The following LINGO1 variants were observed in gnomAD, a reference collection of about 807,000 sequenced individuals.
The protein encoded by LINGO1 is leucine-rich repeat and immunoglobulin-like domain-containing nogo receptor-interacting protein 1.
Under a neutral mutation model 37.3 loss-of-function variants are expected in LINGO1, and 11 were observed. The ratio of observed to expected loss-of-function variants is 0.29; its 90% CI spans 0.19 to 0.49. LINGO1 has a LOEUF of 0.49. LINGO1 is among the 20% of genes least tolerant of loss of function. The pLI is 0.99. For missense variants in LINGO1, 585 were observed against 878.2 expected (o/e 0.67, Z 4.22); for synonymous variants, 387 against 403.0 (o/e 0.96, Z 0.48).
intron 1 of LINGO1, among the ~76,000 whole-genome samples, chr15:77,750,292 G>A (rs2076357974): frequency 6.6e-6 from 1 of 152,252 alleles, no homozygotes; most frequent in Non-Finnish European, 1.5e-5. Context: ...AAATGAGTAA[G>A]AAGAATAGCA....
At chr15:77,784,976 A>G (rs1300883836) in intron 1 of LINGO1, 1 of 152,268 alleles carries the variant, frequency 6.6e-6, no homozygotes, top group African/African-American at 2.4e-5. Context: ...CATCACCTCT[A>G]AAATCCACAG....
At chr15:77,748,219 G>C (rs113278974) in intron 1 of LINGO1, among the ~76,000 whole-genome samples, 1 of 152,238 alleles carries the variant, frequency 6.6e-6, no homozygotes, top group East Asian at 1.9e-4. Flanking sequence ...CTGTTCCTAA[G>C]AGGGCAGTGC....
chr15:77,697,804 G>C (rs1238432336), upstream of LINGO1, among the ~76,000 whole-genome samples: 1 of 152,140 alleles, frequency 6.6e-6, no homozygotes, highest in Non-Finnish European at 1.5e-5. Flanking sequence ...ATCTTTGAAG[G>C]GGTATTAAAG....
intron 1 of LINGO1, among the ~76,000 whole-genome samples, chr15:77,691,071 A>G (rs906489986): frequency 1.3e-5 from 2 of 152,154 alleles, no homozygotes; most frequent in Non-Finnish European, 2.9e-5. Context: ...CACAATGACA[A>G]TGTTCTGTCT....
chr15:77,710,726 AG>A (rs936034578), intron 2 of LINGO1, among the ~76,000 whole-genome samples: 11 of 152,220 alleles, frequency 7.2e-5, no homozygotes, highest in African/African-American at 2.7e-4. Context: ...CCCACCTGCG[AG>A]GGAGGACGGG....
At chr15:77,627,244 C>T (rs879313484) in intron 1 of LINGO1, among the ~76,000 whole-genome samples, 4 of 152,092 alleles carry the variant, frequency 2.6e-5, no homozygotes, top group Non-Finnish European at 4.4e-5. Context: ...ATTCCGCCAG[C>T]CCCGGTGCTC....
intron 2 of LINGO1, among the ~76,000 whole-genome samples, chr15:77,702,217 T>C (rs2075793224): frequency 6.6e-6 from 1 of 152,190 alleles, no homozygotes; most frequent in Non-Finnish European, 1.5e-5. Context: ...AACACACTGT[T>C]TCTTGGCTCA....
At chr15:77,635,908 G>A (rs1020362889), upstream of LINGO1, among the ~76,000 whole-genome samples, 2 of 152,254 alleles carry the variant, frequency 1.3e-5, no homozygotes, top group African/African-American at 4.8e-5. Context: ...GAAGGAGCCA[G>A]CCTGACTGCT....
intron 2 of LINGO1, chr15:77,707,586 C>T (rs2075868022): frequency 1.3e-5 from 2 of 152,236 alleles, no homozygotes; most frequent in African/African-American, 4.8e-5. Context: ...AACCCTGGTC[C>T]CAGGAAGGGC....
chr15:77,820,593 G>C (rs1049728769), upstream of LINGO1, among the ~76,000 whole-genome samples: 1 of 152,192 alleles, frequency 6.6e-6, no homozygotes, highest in South Asian at 2.1e-4. Context: ...CAGGGCTCAC[G>C]GGCTGGCGTC....
chr15:77,787,247 G>A (rs934749722), upstream of LINGO1: 10 of 152,292 alleles, frequency 6.6e-5, no homozygotes, highest in Non-Finnish European at 5.9e-5. Flanking sequence ...CAGAGCGCAC[G>A]GTCGGGCCTG....
At chr15:77,808,979 C>T (rs1390367511) in intron 1 of LINGO1, among the ~76,000 whole-genome samples, 3 of 152,182 alleles carry the variant, frequency 2.0e-5, no homozygotes, top group Non-Finnish European at 2.9e-5. Flanking sequence ...TTGGAAGGCA[C>T]GTGCCGGCTA....
intron 3 of LINGO1, among the ~76,000 whole-genome samples, chr15:77,639,703 G>GA (rs978648307): frequency 6.6e-6 from 1 of 151,966 alleles, no homozygotes; most frequent in Non-Finnish European, 1.5e-5. Context: ...CGATGTGGAG[G>GA]AAAAAACATA....
At chr15:77,745,400 G>T (rs2076304054) in intron 1 of LINGO1, among the ~76,000 whole-genome samples, 1 of 151,306 alleles carries the variant, frequency 6.6e-6, no homozygotes, top group African/African-American at 2.4e-5. Context: ...CACTCCAGCT[G>T]GGCGACAAAG....
intron 3 of LINGO1, among the ~76,000 whole-genome samples, chr15:77,661,078 G>A (rs1205975222): frequency 6.6e-6 from 1 of 151,010 alleles, no homozygotes; most frequent in East Asian, 2.0e-4. Flanking sequence ...GCAATGCTGG[G>A]CAAAGGCGAG....
At chr15:77,700,453 A>G (rs2075768083), upstream of LINGO1, among the ~76,000 whole-genome samples, 1 of 152,074 alleles carries the variant, frequency 6.6e-6, no homozygotes, top group South Asian at 2.1e-4. Flanking sequence ...ACCACTACTA[A>G]TAGTTAAAGC....
chr15:77,816,299 A>G (rs963440823), intron 1 of LINGO1, among the ~76,000 whole-genome samples: 1 of 152,218 alleles, frequency 6.6e-6, no homozygotes, highest in Non-Finnish European at 1.5e-5. Context: ...CCAAATGTGA[A>G]GCGAGGCTCC....
chr15:77,631,754 C>CAA (rs1567471291), intron 1 of LINGO1, among the ~76,000 whole-genome samples: 2 of 152,248 alleles, frequency 1.3e-5, no homozygotes, highest in Non-Finnish European at 2.9e-5. Context: ...AACTCCCTTC[C>CAA]TTCCACTCTC....
chr15:77,649,549 G>C (rs1287557120), intron 3 of LINGO1, among the ~76,000 whole-genome samples: 1 of 152,216 alleles, frequency 6.6e-6, no homozygotes, highest in Non-Finnish European at 1.5e-5. Context: ...CACACGGAAA[G>C]AAGAGAGTGA....
Sources: gnomAD v4.1 joint callset for allele counts (sites outside exome capture counted in the v4.1 genomes callset) on GRCh38, gnomAD v4.1.1 for gene constraint, MANE v1.5 for transcripts, NCBI Gene and HGNC (gene_info 2026-07-23, HGNC 2026-07-21) for gene names.